The following ATP6V0A1 variants were observed in gnomAD, a reference collection of about 807,000 sequenced individuals.
ATP6V0A1 encodes V-type proton ATPase 116 kDa subunit a 1.
Under a neutral mutation model 105.4 loss-of-function variants are expected in ATP6V0A1, and 43 were observed. That is an observed-to-expected ratio of 0.41 (90% confidence interval 0.32 to 0.53). The LOEUF is 0.53. Among genes scored for constraint, ATP6V0A1 ranks in the 20% least tolerant of loss-of-function variants. The pLI is 0.30. For synonymous variants in ATP6V0A1, 362 were observed against 372.8 expected (o/e 0.97, Z 0.33); for missense variants, 676 against 1,051.1 (o/e 0.64, Z 4.93).
chr17:42,500,203 G>A (rs1161945679), intron 15 of ATP6V0A1, among the ~76,000 whole-genome samples: 6 of 152,092 alleles, frequency 3.9e-5, no homozygotes, highest in Admixed American at 3.9e-4. Context: ...TTTAAGGCCT[G>A]GCACAATGGC....
intron 21 of ATP6V0A1, among the ~76,000 whole-genome samples, chr17:42,516,565 T>C (rs1212701728): frequency 1.3e-5 from 2 of 152,240 alleles, no homozygotes; most frequent in African/African-American, 2.4e-5. Context: ...TCTTTTCTTT[T>C]CACTCCTGTC....
intron 10 of ATP6V0A1, among the ~76,000 whole-genome samples, chr17:42,488,636 A>G (rs984449701): frequency 6.6e-6 from 1 of 152,074 alleles, no homozygotes; most frequent in African/African-American, 2.4e-5. Flanking sequence ...ATGCGTGGCT[A>G]ATTTTTTGTA....
At chr17:42,461,037 G>T in intron 2 of ATP6V0A1, 26 bp downstream of exon 2, 1 of 1,563,496 alleles carries the variant, frequency 6.4e-7, no homozygotes, top group Non-Finnish European at 8.8e-7. Flanking sequence ...GCTGCGACTT[G>T]ATTACTGCTG....
intron 21 of ATP6V0A1, chr17:42,520,318 G>C (rs1040804830): frequency 2.5e-6 from 1 of 394,296 alleles, no homozygotes; most frequent in African/African-American, 2.1e-5. Context: ...AAGCAGCCTC[G>C]CTCTGCTTAT....
At chr17:42,485,539 G>GT (rs1555607758) in intron 9 of ATP6V0A1, among the ~76,000 whole-genome samples, 242 of 151,494 alleles carry the variant, frequency 1.6e-3, no homozygotes, top group African/African-American at 5.1e-3. Context: ...TGTTTTGTTT[G>GT]TTTGTTTTGT....
intron 17 of ATP6V0A1, among the ~76,000 whole-genome samples, chr17:42,505,801 T>C (rs2091983865): frequency 1.3e-5 from 2 of 151,870 alleles, no homozygotes; most frequent in Admixed American, 6.6e-5. Context: ...TTTTTTTTTT[T>C]TCTTGAGACA....
rs781542880 is a variant in ATP6V0A1 at position 42,501,263 on chromosome 17, C to T, written c.1963C>T (p.Pro655Ser). ...TGTACCTTGGATGCTGCTGTTTAAA[C>T]CATTGGTCCTTCGCCGTCAGTATTT... ...LCVPWMLLFK[P>S]LVLRRQYLRR... Residue 655 changes from proline (P) to serine (S), a missense_variant, in exon 17 of 22, where the codon CCA becomes TCA. Transcript: ENST00000343619. 40 of 1,613,990 alleles carry T rather than the reference C, an allele frequency of 2.5e-5. No individual in the cohort carries two copies. In the Admixed American group the frequency reaches 6.7e-4, roughly 27 times the overall value.
At position 42,465,480 on chromosome 17, in the gene ATP6V0A1, G is replaced by A. The variant is rs537513913; in HGVS notation, c.118-949G>A. On this transcript the variant is annotated intron_variant, in intron 2 of 21. Coordinates refer to ENST00000343619, the MANE Select transcript of ATP6V0A1 (RefSeq NM_001130021.3). ...TAATTTTGTATTTTTAGTAGAGATG[G>A]AGTTTCGCCATGTTGGCCAGGCTGG... is the stretch of plus-strand genomic sequence containing the variant. Among the ~76,000 whole-genome samples the A allele has an allele frequency of 7.9e-5, 12 of 151,524 alleles. No homozygotes were observed. The South Asian group carries it at 2.5e-3, about 32-fold the overall frequency.
intron 7 of ATP6V0A1, 30 bp from the exon 8 acceptor site, chr17:42,480,637 G>T (rs1389401665): frequency 6.3e-7 from 1 of 1,593,288 alleles, no homozygotes; most frequent in African/African-American, 1.4e-5. Context: ...ACAGAAGTCT[G>T]AACTCTTGTT....
intron 6 of ATP6V0A1, 117 bp downstream of exon 6, chr17:42,477,859 T>C: frequency 2.5e-6 from 2 of 814,208 alleles, no homozygotes; most frequent in South Asian, 1.9e-5. Context: ...TCTGAGCCTA[T>C]TGAGATAGTC....
intron 8 of ATP6V0A1, 132 bp from the exon 9 acceptor site, chr17:42,482,895 CAAAAAAAAAAA>C: frequency 7.0e-6 from 1 of 142,970 alleles, no homozygotes; most frequent in South Asian, 3.4e-4. Flanking sequence ...AACTCTGTCT[CAAAAAAAAAAA>C]AAAAAAAAAA....
chr17:42,499,288 C>A (rs982641486), intron 15 of ATP6V0A1, among the ~76,000 whole-genome samples: 3 of 151,544 alleles, frequency 2.0e-5, no homozygotes, highest in Non-Finnish European at 4.4e-5. Context: ...CTGGCCAACA[C>A]GATGAAACCC....
chr17:42,504,593 C>G (rs1266276777), intron 17 of ATP6V0A1, among the ~76,000 whole-genome samples: 1 of 152,156 alleles, frequency 6.6e-6, no homozygotes, highest in African/African-American at 2.4e-5. Context: ...CTGGAGGTGT[C>G]CAGGCTCTGG....
intron 21 of ATP6V0A1, among the ~76,000 whole-genome samples, chr17:42,517,074 G>A (rs1003657956): frequency 6.6e-6 from 1 of 152,190 alleles, no homozygotes; most frequent in African/African-American, 2.4e-5. Flanking sequence ...GAGGTCAGGA[G>A]TTCGAGACCA....
At chr17:42,495,311 C>T in intron 13 of ATP6V0A1, 123 bp downstream of exon 13, 1 of 1,010,410 alleles carries the variant, frequency 9.9e-7, no homozygotes, top group Admixed American at 2.2e-5. Flanking sequence ...CATTCATGCT[C>T]CACACTGTGA....
chr17:42,517,118 A>G (rs915924229), intron 21 of ATP6V0A1, among the ~76,000 whole-genome samples: 3 of 152,178 alleles, frequency 2.0e-5, no homozygotes, highest in Non-Finnish European at 4.4e-5. Flanking sequence ...CATCTCTACT[A>G]AAAATGCAAA....
intron 21 of ATP6V0A1, chr17:42,519,279 C>T (rs1411996789): frequency 6.6e-6 from 1 of 152,434 alleles, no homozygotes; most frequent in East Asian, 1.9e-4. Flanking sequence ...AGCTGCTGCT[C>T]CATTTGCCCA....
Position 42,466,508 on chromosome 17 carries a change from G to T in ATP6V0A1, c.196+1G>T. 1 of 1,611,876 alleles carries T rather than the reference G, an allele frequency of 6.2e-7. No individual in the cohort carries two copies. Among genetic ancestry groups the T allele is most frequent in the Non-Finnish European group, 8.5e-7 (1 of 1,178,194 alleles). On this transcript the variant is annotated splice_donor_variant, in intron 3 of 21. Transcript: ENST00000343619. LOFTEE classifies it high-confidence loss of function. ...TGTGAAGAAATGGATCGAAAGCTTC[G>T]TATGTGCACTTTGGTCTTGTGTAAT... is the stretch of plus-strand genomic sequence containing the variant.
chr17:42,495,596 A>G (rs1032583690), intron 13 of ATP6V0A1, 30 bp from the exon 14 acceptor site: 8 of 1,557,862 alleles, frequency 5.1e-6, no homozygotes, highest in African/African-American at 4.1e-5. Flanking sequence ...CTTGTTCAAA[A>G]ATAATGTGAC....
Sources: allele counts gnomAD v4.1 joint callset (sites outside exome capture counted in the v4.1 genomes callset), GRCh38; gene constraint gnomAD v4.1.1; transcripts MANE v1.5; gene names NCBI Gene and HGNC (gene_info 2026-07-23, HGNC 2026-07-21).